The following TUBB6 variants were observed in gnomAD, a reference collection of about 807,000 sequenced individuals.
TUBB6 encodes tubulin beta-6 chain.
A neutral mutation model predicts 32.3 loss-of-function variants in TUBB6; 18 were observed. The ratio of observed to expected loss-of-function variants is 0.56; its 90% CI spans 0.39 to 0.83. TUBB6 has a LOEUF of 0.83. TUBB6 is among the 40% of genes least tolerant of loss of function. The pLI, the probability that TUBB6 is intolerant of heterozygous loss-of-function variation, is 0.00. For missense variants in TUBB6, 480 were observed against 632.0 expected, an observed-to-expected ratio of 0.76 and a Z score of 2.58; for synonymous variants, 280 against 265.8, an observed-to-expected ratio of 1.05 and a Z score of -0.52.
In TUBB6 at chr18:12,319,339, T is replaced by A. The variant is rs1316234102; in HGVS notation, c.278-5728T>A. On this transcript the variant is annotated intron_variant, in intron 3 of 3. Transcript: ENST00000317702. ...TTTGTATTTTTAGTAGAGATGGGGT[T>A]TCCCCATATTGGCCAGGCTGGTCTC... Among the ~76,000 whole-genome samples, 5 of 152,038 alleles carry A rather than the reference T, an allele frequency of 3.3e-5. No homozygotes were observed. In the East Asian group the frequency reaches 9.7e-4, roughly 30 times the overall value.
intron 3 of TUBB6, among the ~76,000 whole-genome samples, chr18:12,315,827 A>G (rs1307188481): frequency 6.6e-6 from 1 of 152,178 alleles, no homozygotes. Context: ...GTAAGTTCAC[A>G]CTCACACTTG....
At chr18:12,319,367 A>T (rs1239716847) in intron 3 of TUBB6, among the ~76,000 whole-genome samples, 1 of 151,118 alleles carries the variant, frequency 6.6e-6, no homozygotes, top group Non-Finnish European at 1.5e-5. Flanking sequence ...CTGGTCTCGA[A>T]CTCCTGACCT....
chr18:12,309,771 C>T (rs1214405052), intron 2 of TUBB6, among the ~76,000 whole-genome samples: 2 of 152,118 alleles, frequency 1.3e-5, no homozygotes, highest in East Asian at 1.9e-4. Flanking sequence ...TCATATTAAC[C>T]GTGTCCTCAC....
intron 3 of TUBB6, among the ~76,000 whole-genome samples, chr18:12,317,164 A>G (rs2144145298): frequency 6.6e-6 from 1 of 151,802 alleles, no homozygotes; most frequent in South Asian, 2.1e-4. Flanking sequence ...AAAAAAAAAA[A>G]AAAAAAGAAA....
In TUBB6 at chr18:12,325,308, C is replaced by G. The variant is rs1214881543; in HGVS notation, c.519C>G (p.Pro173=). ...ACACCTTCAGCGTCATGCCCTCGCC[C>G]AAGGTGTCGGACACGGTGGTGGAGC... ...IMNTFSVMPS[P]KVSDTVVEPY... is the part of the protein sequence containing the mutation. Residue 173 remains proline, a synonymous_variant, in exon 4 of 4, where the codon CCC becomes CCG. Coordinates refer to ENST00000317702, the MANE Select transcript of TUBB6 (RefSeq NM_032525.3). 3.1e-6 allele frequency: 5 copies of G among 1,614,090 alleles called. No homozygotes were observed. The African/African-American group carries it at 6.7e-5, about 22-fold the overall frequency.
Position 12,326,128 on chromosome 18 carries a change from T to G in TUBB6, c.1339T>G (p.Ter447GluextTer3), listed in dbSNP as rs1214797552. 1 of 1,609,640 alleles carries G rather than the reference T, an allele frequency of 6.2e-7. No homozygotes were observed. The highest frequency in any genetic ancestry group is 1.7e-5 in the Admixed American group (1 of 59,916). ...GGATGAGGAAGAGGAGATCGATGGA[T>G]AGTCGGAATAGAGCCGCCCCAACTC... ...FEDEEEEIDG[*>E] is the part of the protein sequence containing the mutation. The change falls in exon 4 of 4, where the codon TAG becomes GAG. Residue 447 changes from the stop codon to glutamate (E), a stop_lost. Coordinates refer to ENST00000317702, the MANE Select transcript of TUBB6 (RefSeq NM_032525.3).
intron 3 of TUBB6, among the ~76,000 whole-genome samples, chr18:12,324,630 C>T (rs1907172316): frequency 1.3e-5 from 2 of 151,702 alleles, no homozygotes; most frequent in African/African-American, 4.8e-5. Flanking sequence ...TTTGTATTTT[C>T]AGTAGAGATG....
At chr18:12,316,442 G>A (rs1222978658) in intron 3 of TUBB6, among the ~76,000 whole-genome samples, 1 of 152,162 alleles carries the variant, frequency 6.6e-6, no homozygotes, top group Admixed American at 6.5e-5. Context: ...CATAAAAACT[G>A]TCCCCGAAAT....
At chr18:12,317,531 A>G (rs960795349) in intron 3 of TUBB6, among the ~76,000 whole-genome samples, 2 of 152,164 alleles carry the variant, frequency 1.3e-5, no homozygotes, top group African/African-American at 4.8e-5. Flanking sequence ...TACCTACTCT[A>G]TTGTTGGAAA....
intron 3 of TUBB6, among the ~76,000 whole-genome samples, chr18:12,318,838 GC>G (rs1289605398): frequency 6.6e-6 from 1 of 151,898 alleles, no homozygotes; most frequent in African/African-American, 2.4e-5. Flanking sequence ...GCTCACTGTA[GC>G]CTCAAACTCC....
chr18:12,313,326 C>A (rs149232122), intron 3 of TUBB6, among the ~76,000 whole-genome samples: 1 of 152,198 alleles, frequency 6.6e-6, no homozygotes, highest in Non-Finnish European at 1.5e-5. Flanking sequence ...CTTGGAGTTT[C>A]CAGATAGGCT....
At chr18:12,308,387 G>A (rs1189423908) in intron 1 of TUBB6, 38 bp downstream of exon 1, 1 of 1,334,526 alleles carries the variant, frequency 7.5e-7, no homozygotes, top group Non-Finnish European at 9.6e-7. Flanking sequence ...CCGCGGGTCG[G>A]CTGCTGGCGG....
At chr18:12,328,264 C>T (rs1322542771), downstream of TUBB6, among the ~76,000 whole-genome samples, 5 of 152,268 alleles carry the variant, frequency 3.3e-5, no homozygotes, top group East Asian at 1.9e-4. Context: ...GCCACTGTTC[C>T]GACAACATCA....
chr18:12,323,092 G>C (rs1907072793), intron 3 of TUBB6, among the ~76,000 whole-genome samples: 1 of 152,114 alleles, frequency 6.6e-6, no homozygotes, highest in African/African-American at 2.4e-5. Flanking sequence ...GCATGTGCCT[G>C]TAGTCCCTGC....
chr18:12,311,001 C>A lies in TUBB6; in HGVS notation c.225C>A (p.Ser75Arg). ...LVDLEPGTMD[S>R]VRSGPFGQLF... is the part of the protein sequence containing the mutation. ...ACTTAGAGCCAGGCACCATGGACAG[C>A]GTGCGGTCTGGGCCTTTTGGGCAGC... Residue 75 changes from serine to arginine, a missense_variant, in exon 3 of 4, where the codon AGC becomes AGA. Coordinates refer to ENST00000317702, the MANE Select transcript of TUBB6 (RefSeq NM_032525.3). 6.2e-7 allele frequency: 1 copy of A among 1,613,698 alleles called. No homozygotes were observed. The highest frequency in any genetic ancestry group is 8.5e-7 in the Non-Finnish European group (1 of 1,179,738).
downstream of TUBB6, chr18:12,329,027 T>A: frequency 3.1e-6 from 2 of 645,056 alleles, no homozygotes; most frequent in Non-Finnish European, 5.6e-6. Context: ...TTTTTAAGTA[T>A]GTTACAGCTC....
In TUBB6 at chr18:12,326,244, G is replaced by C. The variant is rs1004101612; in HGVS notation, c.*114G>C. The C allele has an allele frequency of 2.1e-6, 3 of 1,418,778 alleles. No homozygotes were observed. The highest frequency in any genetic ancestry group is 2.8e-6 in the Non-Finnish European group (3 of 1,075,260). The allele number at this position is 1,418,778 out of a possible 1,614,324, so 87.9% of individuals were successfully genotyped here. A position where few individuals can be genotyped will look rare whatever the true frequency, so the allele number is the denominator to read the frequency against. On this transcript the variant is annotated 3_prime_UTR_variant, in exon 4 of 4. Transcript: ENST00000317702. ...GCACTGGTTTAATTGTGTTGGTGTCGGCCCCTCACAAATGCAGCCAAGTCA... is the reference window on the plus strand; with the variant it reads ...GCACTGGTTTAATTGTGTTGGTGTCCGCCCCTCACAAATGCAGCCAAGTCA...
At chr18:12,327,353 G>C (rs972456027), downstream of TUBB6, among the ~76,000 whole-genome samples, 6 of 152,154 alleles carry the variant, frequency 3.9e-5, no homozygotes, top group African/African-American at 1.2e-4. Context: ...TGTCATTCGG[G>C]ACCACTTAGG....
chr18:12,311,446 A>T (rs1363096520), intron 3 of TUBB6, among the ~76,000 whole-genome samples: 1 of 151,990 alleles, frequency 6.6e-6, no homozygotes, highest in Non-Finnish European at 1.5e-5. Context: ...AAATACAAAA[A>T]ATTAGCCGGG....
Sources: gnomAD v4.1 joint callset for allele counts (sites outside exome capture counted in the v4.1 genomes callset) on GRCh38, gnomAD v4.1.1 for gene constraint, MANE v1.5 for transcripts, NCBI Gene and HGNC (gene_info 2026-07-23, HGNC 2026-07-21) for gene names.